Variants in WTIP observed in about 807,000 individuals in gnomAD.
WTIP encodes Wilms tumor protein 1-interacting protein.
A neutral mutation model predicts 41.7 loss-of-function variants in WTIP; 23 were observed. That is an observed-to-expected ratio of 0.55 (90% CI 0.40 to 0.78). The LOEUF (loss-of-function observed/expected upper bound fraction) is 0.78, where lower values mean the gene tolerates loss of function less well. WTIP is among the 30% of genes least tolerant of loss of function. The pLI is 0.00. For synonymous variants in WTIP, 314 were observed against 269.9 expected, an observed-to-expected ratio of 1.16 and a Z score of -1.60; for missense variants, 619 against 610.5, an observed-to-expected ratio of 1.01 and a Z score of -0.15.
intron 5 of WTIP, among the ~76,000 whole-genome samples, chr19:34,494,042 C>T (rs982115716): frequency 6.6e-6 from 1 of 152,156 alleles, no homozygotes; most frequent in African/African-American, 2.4e-5. Context: ...AGGTTTATTC[C>T]TGGGAGCTCT....
At chr19:34,492,428 T>C (rs577246586) in intron 2 of WTIP, among the ~76,000 whole-genome samples, 1 of 149,430 alleles carries the variant, frequency 6.7e-6, no homozygotes, top group South Asian at 2.1e-4. Context: ...AGGTTGAGGC[T>C]GCAGTGAGCC....
chr19:34,502,751 T>G lies in WTIP; in HGVS notation c.*2482T>G, dbSNP rs2075894348. The G allele has an allele frequency of 6.6e-6, 1 of 151,934 alleles. No homozygotes were observed. Among genetic ancestry groups the G allele is most frequent in the Non-Finnish European group, 1.5e-5 (1 of 68,018 alleles). 9.4% of individuals were successfully genotyped at this position (151,934 alleles called of 1,614,324 possible). A position where few individuals can be genotyped will look rare whatever the true frequency, so the allele number is the denominator to read the frequency against. ...TTTGTATTTTTAGTTGAGAGGGGGT[T>G]TCAGCATGTTGGCCAGGTTGGTGTC... On this transcript the variant is annotated 3_prime_UTR_variant, in exon 8 of 8. Coordinates refer to ENST00000590071, the MANE Select transcript of WTIP (RefSeq NM_001080436.2).
chr19:34,482,986 CTT>C (rs57931235), intron 1 of WTIP, among the ~76,000 whole-genome samples: 37 of 136,758 alleles, frequency 2.7e-4, no homozygotes, highest in East Asian at 4.3e-4. Context: ...CTTCTTTCTT[CTT>C]TTTTTTTTTT....
intron 2 of WTIP, among the ~76,000 whole-genome samples, chr19:34,492,027 A>G (rs2075827853): frequency 6.6e-6 from 1 of 152,056 alleles, no homozygotes; most frequent in South Asian, 2.1e-4. Flanking sequence ...CACTGTAGAA[A>G]AGTTTTGTCC....
rs73926785 is a variant in WTIP at position 34,501,008 on chromosome 19, A to C, written c.*739A>C. On this transcript the variant is annotated 3_prime_UTR_variant, in exon 8 of 8. Coordinates refer to ENST00000590071, the MANE Select transcript of WTIP (RefSeq NM_001080436.2). The stretch of plus-strand genomic sequence containing the variant: ...CCCCGTGCGGCTCCAGCCCCGGGTC[A>C]CGCTCAGGAGCGATGAGAGGGGCGC... The C allele has an allele frequency of 6.6e-6, 1 of 152,636 alleles. No individual in the cohort carries two copies. Among genetic ancestry groups the C allele is most frequent in the Admixed American group, 6.5e-5 (1 of 15,286 alleles). 9.5% of individuals were successfully genotyped at this position (152,636 alleles called of 1,614,324 possible).
In WTIP at chr19:34,505,600, C is replaced by T. The variant is rs993084235; in HGVS notation, c.*5331C>T. ...CCTACACCCAGCGCACACTCCTCTC[C>T]ACGCTGCGCACGTGAACCCGCCCGG... On this transcript the variant is annotated 3_prime_UTR_variant, in exon 8 of 8. Transcript: ENST00000590071. 4.6e-5 allele frequency: 7 copies of T among 152,472 alleles called. No homozygotes were observed. The highest frequency in any genetic ancestry group is 1.7e-4 in the African/African-American group (7 of 41,454). 9.4% of individuals were successfully genotyped at this position (152,472 alleles called of 1,614,324 possible). A position where few individuals can be genotyped will look rare whatever the true frequency, so the allele number is the denominator to read the frequency against.
chr19:34,498,219 G>A (rs55668688), intron 7 of WTIP, among the ~76,000 whole-genome samples: 3 of 152,102 alleles, frequency 2.0e-5, no homozygotes, highest in East Asian at 1.9e-4. Flanking sequence ...CCCCGAGCCC[G>A]CAACGGTAAA....
chr19:34,488,071 C>T (rs1216084443), intron 1 of WTIP, among the ~76,000 whole-genome samples: 1 of 151,888 alleles, frequency 6.6e-6, no homozygotes, highest in Non-Finnish European at 1.5e-5. Context: ...TGTCTGTCTG[C>T]TTCCTTTTTT....
At position 34,493,550 on chromosome 19, in the gene WTIP, A is replaced by G. The variant is rs763006918; in HGVS notation, c.959A>G (p.Asn320Ser). Residue 320 changes from asparagine (N) to serine (S), a missense_variant, in exon 5 of 8, where the codon AAT becomes AGT. Physicochemically the swap from Asn to Ser is conservative, Grantham distance 46. Transcript: ENST00000590071. This position sits in a 1 kb window ranked among gnomAD's most constrained non-coding sequence, Gnocchi z 4.1. ...HPGCFRCSVC[N>S]ECLDGVPFTV... ...GGCTGCTTCCGGTGCTCCGTGTGCAATGAGTGCCTGGACGGGGTTCCCTTC... is the reference window on the plus strand; with the variant it reads ...GGCTGCTTCCGGTGCTCCGTGTGCAGTGAGTGCCTGGACGGGGTTCCCTTC... The G allele has an allele frequency of 6.6e-5, 106 of 1,613,578 alleles. No homozygotes were observed. Among genetic ancestry groups the G allele is most frequent in the Non-Finnish European group, 7.7e-5 (91 of 1,179,870 alleles).
chr19:34,506,560 A>G lies in WTIP; in HGVS notation c.*6291A>G, dbSNP rs1234656266. The G allele has an allele frequency of 6.6e-6, 1 of 150,662 alleles. No homozygotes were observed. Among genetic ancestry groups the G allele is most frequent in the Non-Finnish European group, 1.5e-5 (1 of 67,522 alleles). The allele number at this position is 150,662 out of a possible 1,614,324, so 9.3% of individuals were successfully genotyped here. A position where few individuals can be genotyped will look rare whatever the true frequency, so the allele number is the denominator to read the frequency against. ...TCACTTGAGGTCAGGAGTTCGAGAC[A>G]ATCCTGGCCAACATGGCGAAACCCC... is the stretch of plus-strand genomic sequence containing the variant. On this transcript the variant is annotated 3_prime_UTR_variant, in exon 8 of 8. Coordinates refer to ENST00000590071, the MANE Select transcript of WTIP (RefSeq NM_001080436.2).
chr19:34,498,427 C>T (rs560695626), intron 7 of WTIP: 39 of 152,900 alleles, frequency 2.6e-4, no homozygotes, highest in African/African-American at 8.9e-4. Flanking sequence ...CACCCACTTG[C>T]TTCACTTTGC....
intron 7 of WTIP, among the ~76,000 whole-genome samples, chr19:34,498,363 G>C (rs1397792966): frequency 1.3e-5 from 2 of 152,142 alleles, no homozygotes; most frequent in African/African-American, 4.8e-5. Context: ...GGAACTGGTG[G>C]ACACTTCCTT....
intron 1 of WTIP, among the ~76,000 whole-genome samples, chr19:34,484,995 A>G (rs1481697909): frequency 6.7e-6 from 1 of 148,994 alleles, no homozygotes; most frequent in Non-Finnish European, 1.5e-5. Context: ...TGAGAGTGTT[A>G]GAGGAGTGAT....
At chr19:34,495,606 G>T (rs1021008698) in intron 6 of WTIP, 97 bp from the exon 7 acceptor site, 8 of 1,423,766 alleles carry the variant, frequency 5.6e-6, no homozygotes, top group Non-Finnish European at 6.8e-6. Context: ...GTGCACCTCC[G>T]CCGGGACAGG....
In WTIP at chr19:34,482,613, C is replaced by G; in HGVS notation, c.639C>G (p.Leu213=). 2 of 1,229,746 alleles carry G rather than the reference C, an allele frequency of 1.6e-6. No individual in the cohort carries two copies. Among genetic ancestry groups the G allele is most frequent in the Non-Finnish European group, 2.0e-6 (2 of 986,890 alleles). The allele number at this position is 1,229,746 out of a possible 1,614,324, so 76.2% of individuals were successfully genotyped here. Residue 213 remains leucine (L), a synonymous_variant, in exon 1 of 8, where the codon CTC becomes CTG. Transcript: ENST00000590071. ...TCACCCGGGAGCTGGAGCGGGCGCT[C>G]GAGGCGCGCACGGCGCGGGACTACT... The part of the protein sequence containing the change: ...EALTRELERA[L]EARTARDYFG...
intron 5 of WTIP, among the ~76,000 whole-genome samples, chr19:34,494,275 C>T (rs956908581): frequency 3.3e-5 from 5 of 151,906 alleles, no homozygotes; most frequent in Non-Finnish European, 7.4e-5. Context: ...AGGCCAGGGC[C>T]GGGCATGGTG....
Position 34,482,434 on chromosome 19 carries a change from G to A in WTIP, c.460G>A (p.Gly154Ser). 2 of 1,336,388 alleles carry A rather than the reference G, an allele frequency of 1.5e-6. No homozygotes were observed. Among genetic ancestry groups the A allele is most frequent in the Admixed American group, 3.4e-5 (1 of 29,250 alleles). The allele number at this position is 1,336,388 out of a possible 1,614,324, so 82.8% of individuals were successfully genotyped here. Residue 154 changes from glycine to serine, a missense_variant, in exon 1 of 8, where the codon GGC becomes AGC. Gly to Ser is a moderately conservative substitution (Grantham distance 56). Transcript: ENST00000590071. ...VSSLGSRGSA[G>S]AYADFLPPGA... ...CAGCCTCGGCTCCCGGGGCTCGGCC[G>A]GCGCCTACGCTGACTTCCTCCCGCC...
intron 1 of WTIP, 98 bp from the exon 2 acceptor site, chr19:34,490,278 C>T: frequency 8.9e-7 from 1 of 1,125,392 alleles, no homozygotes; most frequent in Non-Finnish European, 1.3e-6. Flanking sequence ...TTAGCATCCC[C>T]CAGGTCAAGC....
At chr19:34,482,986 C>CTTT (rs57931235) in intron 1 of WTIP, among the ~76,000 whole-genome samples, 1 of 136,816 alleles carries the variant, frequency 7.3e-6, no homozygotes, top group African/African-American at 2.7e-5. Context: ...CTTCTTTCTT[C>CTTT]TTTTTTTTTT....
Sources: gnomAD v4.1 joint callset for allele counts (sites outside exome capture counted in the v4.1 genomes callset) on GRCh38, gnomAD v4.1.1 for gene constraint, Gnocchi (gnomAD v3.1) non-coding constraint, MANE v1.5 for transcripts, NCBI Gene and HGNC (gene_info 2026-07-23, HGNC 2026-07-21) for gene names.